The following XPR1 variants were observed in gnomAD, a reference collection of about 807,000 sequenced individuals.
The protein encoded by XPR1 is xenotropic and polytropic retrovirus receptor 1, also known as solute carrier family 53 member 1.
In XPR1, 28 loss-of-function variants were observed where a neutral mutation model predicts 87.5. The observed-to-expected ratio is 0.32, with a 90% CI of 0.24 to 0.44. The LOEUF is 0.44. Among genes scored for constraint, XPR1 ranks in the 20% least tolerant of loss-of-function variants. The probability of loss-of-function intolerance (pLI) is 1.00; values close to 1 mark genes in which losing one functional copy is unlikely to be tolerated. For missense variants in XPR1, 559 were observed against 862.3 expected (o/e 0.65, Z 4.41); for synonymous variants, 300 against 306.1 (o/e 0.98, Z 0.21).
intron 3 of XPR1, among the ~76,000 whole-genome samples, chr1:180,799,981 G>A (rs75112920): frequency 0.034 from 5,177 of 152,308 alleles, 114 homozygotes; most frequent in Non-Finnish European, 0.053. Flanking sequence ...TGTCTTTAAA[G>A]TCTGTGATTG....
chr1:180,709,854 T>C (rs1657702051), intron 2 of XPR1, among the ~76,000 whole-genome samples: 1 of 151,976 alleles, frequency 6.6e-6, no homozygotes, highest in African/African-American at 2.4e-5. Flanking sequence ...TTTGAAAAAT[T>C]GGGTTGTTTT....
rs1342209644 is a variant in XPR1, at chr1:180,744,653, TC to T, written c.122-43099del. Among the ~76,000 whole-genome samples the T allele has an allele frequency of 1.9e-3, 215 of 111,802 alleles. 22 individuals carry two copies. Among genetic ancestry groups the T allele is most frequent in the African/African-American group, 6.8e-3 (184 of 27,246 alleles). The allele number at this position is 111,802 out of a possible 152,430, so 73.3% of individuals were successfully genotyped here. A position where few individuals can be genotyped will look rare whatever the true frequency, so the allele number is the denominator to read the frequency against. ...TGTTCAGGTTTAGGCACAATTTCTT[TC>T]TTTTTTTTTTTTTTGAGACAGAATC... On this transcript the variant is annotated intron_variant, in intron 2 of 14. Coordinates refer to ENST00000367590, the MANE Select transcript of XPR1 (RefSeq NM_004736.4).
In XPR1 at chr1:180,748,400, C is replaced by CTTTTTTTTTTTTT. The variant is rs71297873; in HGVS notation, c.122-39330_122-39318dup. On this transcript the variant is annotated intron_variant, in intron 2 of 14. Transcript: ENST00000367590. ...TGCTACTCTGTGTTATTATTTATGT[C>CTTTTTTTTTTTTT]TTTTTTTTTTTTTTTTTTTTTTTTT... Among the ~76,000 whole-genome samples, 33 of 29,674 alleles carry CTTTTTTTTTTTTT rather than the reference C, an allele frequency of 1.1e-3. 5 individuals are homozygous for CTTTTTTTTTTTTT. Among genetic ancestry groups the CTTTTTTTTTTTTT allele is most frequent in the African/African-American group, 1.5e-3 (16 of 10,718 alleles). 19.5% of individuals were successfully genotyped at this position (29,674 alleles called of 152,430 possible).
intron 2 of XPR1, among the ~76,000 whole-genome samples, chr1:180,751,725 C>T (rs1647541850): frequency 6.6e-6 from 1 of 151,998 alleles, no homozygotes; most frequent in African/African-American, 2.4e-5. Flanking sequence ...CAGGTCACTG[C>T]CTGAAGTAGA....
chr1:180,739,528 A>G (rs1658849861), intron 2 of XPR1, among the ~76,000 whole-genome samples: 1 of 152,216 alleles, frequency 6.6e-6, no homozygotes, highest in African/African-American at 2.4e-5. Context: ...GAGAATTGAC[A>G]TCTTTACTGC....
chr1:180,861,158 CT>C (rs1327649801), intron 11 of XPR1, among the ~76,000 whole-genome samples: 7 of 152,010 alleles, frequency 4.6e-5, no homozygotes, highest in African/African-American at 1.7e-4. Context: ...TTCTCATGTC[CT>C]TTTACTAGCA....
At chr1:180,671,313 G>A (rs1283531568) in intron 1 of XPR1, among the ~76,000 whole-genome samples, 1 of 152,126 alleles carries the variant, frequency 6.6e-6, no homozygotes, top group African/African-American at 2.4e-5. Flanking sequence ...AAACTCATAG[G>A]TGGTTAAACC....
intron 7 of XPR1, among the ~76,000 whole-genome samples, chr1:180,814,794 G>T (rs962084725): frequency 1.3e-5 from 2 of 152,146 alleles, no homozygotes; most frequent in African/African-American, 4.8e-5. Flanking sequence ...GAGCATCAGG[G>T]AATACTTCAT....
Position 180,811,483 on chromosome 1 carries a change from T to C in XPR1, c.758T>C (p.Leu253Pro). 1 of 1,611,302 alleles carries C rather than the reference T, an allele frequency of 6.2e-7. No individual in the cohort carries two copies. Among genetic ancestry groups the C allele is most frequent in the Non-Finnish European group, 8.5e-7 (1 of 1,178,180 alleles). ...ATTGTACTGAATATTACCCTTGTGCTTGCCGGTAAGTAGTTTAAATTTTGA... is the reference window on the plus strand; with the variant it reads ...ATTGTACTGAATATTACCCTTGTGCCTGCCGGTAAGTAGTTTAAATTTTGA... ...IFIVLNITLV[L>P]AAVFKLETDR... The change falls in exon 7 of 15, where the codon CTT becomes CCT. Residue 253 changes from leucine (L) to proline (P), a missense_variant. Physicochemically the swap from Leu to Pro is moderately conservative, Grantham distance 98. Around this residue, in one of 7 missense-constraint regions of XPR1, gnomAD observed 39 missense variants for 38.5 expected, o/e 1.01. Transcript: ENST00000367590.
intron 2 of XPR1, among the ~76,000 whole-genome samples, chr1:180,731,707 TAATC>T (rs1260808047): frequency 6.6e-6 from 1 of 152,200 alleles, no homozygotes; most frequent in Non-Finnish European, 1.5e-5. Flanking sequence ...TTTTAACACA[TAATC>T]AATATAAAAA....
chr1:180,837,803 A>G (rs1318004384), intron 11 of XPR1, among the ~76,000 whole-genome samples: 1 of 152,154 alleles, frequency 6.6e-6, no homozygotes, highest in Non-Finnish European at 1.5e-5. Context: ...TGTTAAGTCC[A>G]GGCATATATC....
chr1:180,787,625 C>G lies in XPR1; in HGVS notation c.122-128C>G, dbSNP rs1049483902. On this transcript the variant is annotated intron_variant, in intron 2 of 14. Transcript: ENST00000367590. Reference sequence around the variant, plus strand: ...TTTTCTTAATATGGTTCACAGTTCACTTTTTCAGAGAAATACATATAAAGT... The same window carrying G: ...TTTTCTTAATATGGTTCACAGTTCAGTTTTTCAGAGAAATACATATAAAGT... 74 of 669,420 alleles carry G rather than the reference C, an allele frequency of 1.1e-4. 1 individual carries two copies. The highest frequency in any genetic ancestry group is 9.9e-4 in the South Asian group (45 of 45,358). The allele number at this position is 669,420 out of a possible 1,614,324, so 41.5% of individuals were successfully genotyped here.
At chr1:180,847,335 G>A (rs1651718775) in intron 11 of XPR1, among the ~76,000 whole-genome samples, 1 of 152,134 alleles carries the variant, frequency 6.6e-6, no homozygotes, top group Non-Finnish European at 1.5e-5. Flanking sequence ...TACCTAAAGA[G>A]CAAAATACTT....
At chr1:180,688,137 G>A (rs896389867) in intron 2 of XPR1, among the ~76,000 whole-genome samples, 9 of 147,196 alleles carry the variant, frequency 6.1e-5, no homozygotes, top group African/African-American at 2.3e-4. Context: ...TGCAACTTCC[G>A]CCTCCTGGGG....
chr1:180,676,860 A>ATG (rs2101937715), intron 1 of XPR1, among the ~76,000 whole-genome samples: 2 of 152,334 alleles, frequency 1.3e-5, no homozygotes, highest in South Asian at 4.1e-4. Context: ...ATGTAATGTA[A>ATG]TGTAATCTTA....
intron 2 of XPR1, among the ~76,000 whole-genome samples, chr1:180,691,701 T>G (rs1219971414): frequency 6.6e-6 from 1 of 152,138 alleles, no homozygotes; most frequent in Non-Finnish European, 1.5e-5. Flanking sequence ...TGTTACAGTC[T>G]CCCTAAGCTC....
At chr1:180,746,581 A>AG (rs1007211023) in intron 2 of XPR1, among the ~76,000 whole-genome samples, 10 of 152,104 alleles carry the variant, frequency 6.6e-5, no homozygotes, top group African/African-American at 2.4e-4. Context: ...ATATTTGTAT[A>AG]GGGGTTTTTT....
chr1:180,884,173 T>A lies in XPR1; in HGVS notation c.*107T>A. 1.1e-6 allele frequency: 1 copy of A among 916,644 alleles called. No homozygotes were observed. Among genetic ancestry groups the A allele is most frequent in the Non-Finnish European group, 1.6e-6 (1 of 610,436 alleles). 56.8% of individuals were successfully genotyped at this position (916,644 alleles called of 1,614,324 possible). On this transcript the variant is annotated 3_prime_UTR_variant, in exon 15 of 15. Coordinates refer to ENST00000367590, the MANE Select transcript of XPR1 (RefSeq NM_004736.4). ...CCAGCCGAAAACAGGAGAAAACACA[T>A]AACACATTTTCCGAGCTCTTCCGGA...
In XPR1 at chr1:180,834,999, G is replaced by A; in HGVS notation, c.1260G>A (p.Glu420=). Residue 420 remains glutamate (E), a synonymous_variant, in exon 10 of 15, where the codon GAG becomes GAA. Coordinates refer to ENST00000367590, the MANE Select transcript of XPR1 (RefSeq NM_004736.4). The stretch of plus-strand genomic sequence containing the variant: ...ATATGATCTGCTTCTACAGTTTGGA[G>A]CTCAAATGGGATGAAAGTAAGGGCC... ...LEYMICFYSL[E]LKWDESKGLL... 6.2e-7 allele frequency: 1 copy of A among 1,614,036 alleles called. No individual in the cohort carries two copies. The highest frequency in any genetic ancestry group is 8.5e-7 in the Non-Finnish European group (1 of 1,179,962).
Sources: allele counts gnomAD v4.1 joint callset (sites outside exome capture counted in the v4.1 genomes callset), GRCh38; gene constraint gnomAD v4.1.1; regional missense constraint gnomAD v4.1.1; transcripts MANE v1.5; gene names NCBI Gene and HGNC (gene_info 2026-07-23, HGNC 2026-07-21).